The following TAS2R1 variants were observed in gnomAD, a reference collection of about 807,000 sequenced individuals.
TAS2R1 encodes the protein taste receptor type 2 member 1.
For synonymous variants in TAS2R1, 141 were observed against 134.2 expected (o/e 1.05, Z -0.35); for missense variants, 370 against 353.4 (o/e 1.05, Z -0.38).
the TAS2R1 span, among the ~76,000 whole-genome samples, chr5:9,729,402 G>T: frequency 6.6e-6 from 1 of 152,100 alleles, no homozygotes; most frequent in African/African-American, 2.4e-5. Flanking sequence ...CAGTAGCACT[G>T]CTGCTCGTGG....
At chr5:9,854,499 T>C in the TAS2R1 span, 8 of 152,142 alleles carry the variant, frequency 5.3e-5, no homozygotes, top group Admixed American at 1.3e-4. Flanking sequence ...GGCTAAGGGA[T>C]TGGGGCCTCA....
intron 2 of TAS2R1, among the ~76,000 whole-genome samples, chr5:9,642,976 TC>T (rs1740116960): frequency 6.6e-6 from 1 of 151,790 alleles, no homozygotes. Context: ...CTTTCCTTTT[TC>T]CTTCTTTCCT....
At chr5:9,837,556 C>G in the TAS2R1 span, among the ~76,000 whole-genome samples, 2 of 152,204 alleles carry the variant, frequency 1.3e-5, no homozygotes, top group Non-Finnish European at 2.9e-5. Context: ...GATGGCCCCT[C>G]GCCCTGTTTC....
chr5:9,694,278 G>A (rs1262292097), intron 1 of TAS2R1, among the ~76,000 whole-genome samples: 1 of 152,122 alleles, frequency 6.6e-6, no homozygotes, highest in Non-Finnish European at 1.5e-5. Context: ...TTTAATGCAT[G>A]AAAATGTGGA....
the TAS2R1 span, among the ~76,000 whole-genome samples, chr5:9,778,886 C>T: frequency 5.9e-5 from 9 of 152,342 alleles, no homozygotes; most frequent in East Asian, 7.7e-4. Context: ...CGTGTGTTCA[C>T]GGGAGTGGCA....
chr5:9,803,298 T>C, the TAS2R1 span, among the ~76,000 whole-genome samples: 1 of 152,194 alleles, frequency 6.6e-6, no homozygotes, highest in Admixed American at 6.5e-5. Context: ...AAGATAAATC[T>C]AAAAGTTTGG....
At chr5:9,790,544 T>C in the TAS2R1 span, among the ~76,000 whole-genome samples, 1 of 152,264 alleles carries the variant, frequency 6.6e-6, no homozygotes, top group South Asian at 2.1e-4. Context: ...TGCACATGTG[T>C]TGAAATGTAA....
chr5:9,830,605 G>GCACACACACA, the TAS2R1 span, among the ~76,000 whole-genome samples: 109 of 149,814 alleles, frequency 7.3e-4, no homozygotes, highest in African/African-American at 9.4e-4. Context: ...ACGTGCGCGC[G>GCACACACACA]CACACACACA....
the TAS2R1 span, among the ~76,000 whole-genome samples, chr5:9,718,873 A>AT: frequency 1.1e-4 from 16 of 151,826 alleles, no homozygotes; most frequent in African/African-American, 2.2e-4. Context: ...GGGCTACTGT[A>AT]TTAAAAAAAA....
chr5:9,637,677 C>A (rs1739990857), intron 2 of TAS2R1, among the ~76,000 whole-genome samples: 1 of 152,062 alleles, frequency 6.6e-6, no homozygotes, highest in East Asian at 1.9e-4. Flanking sequence ...AAAACATAGT[C>A]TTCAAGCTCT....
chr5:9,849,440 A>G, the TAS2R1 span, among the ~76,000 whole-genome samples: 8 of 152,332 alleles, frequency 5.3e-5, no homozygotes, highest in East Asian at 1.5e-3. Context: ...TATTAAGTCA[A>G]TTTTACAAAT....
chr5:9,874,018 G>A, the TAS2R1 span, among the ~76,000 whole-genome samples: 5 of 151,318 alleles, frequency 3.3e-5, no homozygotes, highest in African/African-American at 1.2e-4. Flanking sequence ...AAGGAAGGGA[G>A]GGAGGGAGGA....
the TAS2R1 span, among the ~76,000 whole-genome samples, chr5:9,842,312 C>CTTTTTTTTTTTTTT: frequency 1.7e-5 from 2 of 120,378 alleles, 1 homozygote; most frequent in Non-Finnish European, 3.5e-5. Flanking sequence ...GTCTTTCTTT[C>CTTTTTTTTTTTTTT]TCTCTTTTTT....
chr5:9,700,563 C>T (rs1579790417), intron 1 of TAS2R1, among the ~76,000 whole-genome samples: 1 of 152,162 alleles, frequency 6.6e-6, no homozygotes, highest in Non-Finnish European at 1.5e-5. Flanking sequence ...AAATCTATAT[C>T]GCATGATCAC....
At chr5:9,821,620 C>G in the TAS2R1 span, among the ~76,000 whole-genome samples, 95 of 152,264 alleles carry the variant, frequency 6.2e-4, no homozygotes, top group Non-Finnish European at 1.2e-3. Context: ...ATGCAAGATG[C>G]TATGGCAAAT....
At chr5:9,855,491 CAGAG>C in the TAS2R1 span, among the ~76,000 whole-genome samples, 7 of 152,300 alleles carry the variant, frequency 4.6e-5, no homozygotes, top group African/African-American at 7.2e-5. Context: ...CAGAGAGAGA[CAGAG>C]AGAGCGTGCA....
intron 2 of TAS2R1, among the ~76,000 whole-genome samples, chr5:9,643,232 CA>C (rs1740121419): frequency 6.6e-6 from 1 of 152,164 alleles, no homozygotes; most frequent in Non-Finnish European, 1.5e-5. Context: ...TGCACTTACA[CA>C]AACCTAGATG....
the TAS2R1 span, among the ~76,000 whole-genome samples, chr5:9,786,807 A>G: frequency 6.6e-6 from 1 of 152,232 alleles, no homozygotes; most frequent in African/African-American, 2.4e-5. Flanking sequence ...GTAGCCTTCT[A>G]TGAGCTGCCC....
the TAS2R1 span, among the ~76,000 whole-genome samples, chr5:9,819,900 A>C: frequency 6.6e-6 from 1 of 152,218 alleles, no homozygotes; most frequent in South Asian, 2.1e-4. Flanking sequence ...AATATGCAAA[A>C]AAAGCGTACT....
Sources: allele counts gnomAD v4.1 joint callset (sites outside exome capture counted in the v4.1 genomes callset), GRCh38; gene constraint gnomAD v4.1.1; transcripts MANE v1.5; gene names NCBI Gene and HGNC (gene_info 2026-07-23, HGNC 2026-07-21).